The following HIVEP2 variants were observed in gnomAD, a reference collection of about 807,000 sequenced individuals.
HIVEP2 encodes the protein transcription factor HIVEP2.
A neutral mutation model predicts 180.7 loss-of-function variants in HIVEP2; 14 were observed. The ratio of observed to expected loss-of-function variants is 0.08; its 90% CI spans 0.05 to 0.12. HIVEP2 has a LOEUF of 0.12. Among genes scored for constraint, HIVEP2 ranks in the 10% least tolerant of loss-of-function variants. The probability of loss-of-function intolerance (pLI) is 1.00; values close to 1 mark genes in which losing one functional copy is unlikely to be tolerated. For missense variants in HIVEP2, 2,579 were observed against 3,008.5 expected (o/e 0.86, Z 3.34); for synonymous variants, 1,184 against 1,136.4 (o/e 1.04, Z -0.84).
At chr6:142,909,099 G>A (rs776048686) in intron 1 of HIVEP2, among the ~76,000 whole-genome samples, 1 of 152,124 alleles carries the variant, frequency 6.6e-6, no homozygotes, top group Non-Finnish European at 1.5e-5. Context: ...ACTATATGGA[G>A]CCTGTGTGTC....
In HIVEP2 at chr6:142,751,844, T is replaced by C. The variant is rs1248976477; in HGVS notation, c.*1263A>G. 1.3e-5 allele frequency: 2 copies of C among 152,720 alleles called. No homozygotes were observed. Among genetic ancestry groups the C allele is most frequent in the Non-Finnish European group, 2.9e-5 (2 of 68,096 alleles). The allele number at this position is 152,720 out of a possible 1,614,324, so 9.5% of individuals were successfully genotyped here. A position where few individuals can be genotyped will look rare whatever the true frequency, so the allele number is the denominator to read the frequency against. ...GTAAGGTGACCTCCCCTAACACAGA[T>C]GTTAACCCTGTTCCCATGTAAACCG... On this transcript the variant is annotated 3_prime_UTR_variant, in exon 10 of 10. Transcript: ENST00000367603.
intron 1 of HIVEP2, among the ~76,000 whole-genome samples, chr6:142,860,925 T>C (rs1267941225): frequency 6.6e-6 from 1 of 152,244 alleles, no homozygotes; most frequent in African/African-American, 2.4e-5. Context: ...AGGAAGCTTC[T>C]TTAATTCCCA....
At chr6:142,870,791 G>A (rs1327307815) in intron 1 of HIVEP2, among the ~76,000 whole-genome samples, 1 of 152,112 alleles carries the variant, frequency 6.6e-6, no homozygotes, top group Non-Finnish European at 1.5e-5. Flanking sequence ...GAGGGAACCA[G>A]GACAGGAGGC....
Position 142,769,785 on chromosome 6 carries a change from A to G in HIVEP2, c.4954T>C (p.Leu1652=), listed in dbSNP as rs927894125. ...ACATAATTGGGTTTTGTATAATTCA[A>G]GAAGCACCAACTCACAGTAGTTGTT... ...RTTTTVSWCF[L]NYTKPNYVQQ... Residue 1652 remains leucine (L), a synonymous_variant, in exon 5 of 10, where the codon TTG becomes CTG. Transcript: ENST00000367603. 17 of 1,614,118 alleles carry G rather than the reference A, an allele frequency of 1.1e-5. No homozygotes were observed. Among genetic ancestry groups the G allele is most frequent in the Non-Finnish European group, 1.4e-5 (17 of 1,180,046 alleles).
chr6:142,843,802 G>A (rs1419120810), intron 1 of HIVEP2, among the ~76,000 whole-genome samples: 4 of 152,154 alleles, frequency 2.6e-5, no homozygotes, highest in Non-Finnish European at 5.9e-5. Flanking sequence ...ATAGTGTTAT[G>A]AATGACATTT....
chr6:142,763,832 T>C (rs146336273), intron 7 of HIVEP2, among the ~76,000 whole-genome samples: 1 of 152,232 alleles, frequency 6.6e-6, no homozygotes, highest in Non-Finnish European at 1.5e-5. Flanking sequence ...TTCTATTACA[T>C]AGATCTTTTT....
At chr6:142,760,798 C>T in intron 8 of HIVEP2, 131 bp from the exon 9 acceptor site, 2 of 658,120 alleles carry the variant, frequency 3.0e-6, no homozygotes, top group Admixed American at 6.1e-5. Context: ...TCTGAGAACT[C>T]CTATAAAATG....
chr6:142,825,894 C>T (rs1774883163), intron 2 of HIVEP2, among the ~76,000 whole-genome samples: 1 of 151,514 alleles, frequency 6.6e-6, no homozygotes, highest in Admixed American at 6.6e-5. Flanking sequence ...TTTCAACATG[C>T]TTCAAACATA....
In HIVEP2 at chr6:142,774,310, T is replaced by C; in HGVS notation, c.429A>G (p.Ile143Met). The C allele has an allele frequency of 6.2e-7, 1 of 1,614,118 alleles. No individual in the cohort carries two copies. The highest frequency in any genetic ancestry group is 1.1e-5 in the South Asian group (1 of 91,088). The stretch of plus-strand genomic sequence containing the variant: ...TAGGATAACCACCACTGTGGCCATG[T>C]ATAGGAAAAGGAAATAAGTCCTCAG... ...VASEDLFPFP[I>M]HGHSGGYPRK... The change falls in exon 5 of 10, where the codon ATA becomes ATG. Residue 143 changes from isoleucine (I) to methionine (M), a missense_variant. By Grantham distance (10) the Ile-to-Met change is conservative. This residue lies in a region of HIVEP2 where 207 missense variants were observed against 210.1 expected (regional missense o/e 0.99). Coordinates refer to ENST00000367603, the MANE Select transcript of HIVEP2 (RefSeq NM_006734.4). This position sits in a 1 kb window ranked among gnomAD's most constrained non-coding sequence, Gnocchi z 5.1.
intron 1 of HIVEP2, among the ~76,000 whole-genome samples, chr6:142,896,237 CT>C (rs11347781): frequency 0.11 from 16,075 of 152,148 alleles, 1,017 homozygotes; most frequent in South Asian, 0.13. Flanking sequence ...GTTCTTCAAC[CT>C]TATGGAGACA....
chr6:142,862,457 ATAT>A (rs1776005572), intron 1 of HIVEP2, among the ~76,000 whole-genome samples: 1 of 109,208 alleles, frequency 9.2e-6, no homozygotes, highest in African/African-American at 3.1e-5. Flanking sequence ...ATAATCGATT[ATAT>A]GTATCATATA....
intron 1 of HIVEP2, among the ~76,000 whole-genome samples, chr6:142,882,506 T>C (rs1776597778): frequency 6.6e-6 from 1 of 151,416 alleles, no homozygotes; most frequent in African/African-American, 2.4e-5. Flanking sequence ...CCTAGCTACT[T>C]AGGAGGCTGA....
At chr6:142,790,573 T>TAC (rs1434415251) in intron 2 of HIVEP2, among the ~76,000 whole-genome samples, 1 of 152,234 alleles carries the variant, frequency 6.6e-6, no homozygotes, top group Non-Finnish European at 1.5e-5. Context: ...TTTTATCTTT[T>TAC]ACAATGCTTA....
chr6:142,845,530 C>T (rs1031994788), intron 1 of HIVEP2, among the ~76,000 whole-genome samples: 3 of 152,108 alleles, frequency 2.0e-5, no homozygotes, highest in African/African-American at 7.2e-5. Context: ...GTTTCTGTGT[C>T]ACCTGCTTTT....
chr6:142,803,144 G>A (rs1776454445), intron 2 of HIVEP2, among the ~76,000 whole-genome samples: 1 of 152,130 alleles, frequency 6.6e-6, no homozygotes, highest in Non-Finnish European at 1.5e-5. Context: ...CTTACTAAAA[G>A]AAATCTATGA....
At chr6:142,790,052 T>G (rs1390323393) in intron 2 of HIVEP2, among the ~76,000 whole-genome samples, 1 of 152,202 alleles carries the variant, frequency 6.6e-6, no homozygotes, top group Non-Finnish European at 1.5e-5. Context: ...ATAAGCTATT[T>G]TCTAAGATTT....
intron 1 of HIVEP2, among the ~76,000 whole-genome samples, chr6:142,926,870 G>A (rs1219093807): frequency 6.6e-6 from 1 of 152,026 alleles, no homozygotes; most frequent in Non-Finnish European, 1.5e-5. Flanking sequence ...CTTTCTCCCG[G>A]CAGGAAGGGG....
chr6:142,784,910 C>T (rs766100447), intron 2 of HIVEP2, among the ~76,000 whole-genome samples: 2 of 151,884 alleles, frequency 1.3e-5, no homozygotes, highest in South Asian at 2.1e-4. Context: ...TTTTTTGAGA[C>T]GGAGTCTTGC....
At chr6:142,806,691 T>C (rs1776562828) in intron 2 of HIVEP2, among the ~76,000 whole-genome samples, 1 of 152,200 alleles carries the variant, frequency 6.6e-6, no homozygotes, top group Admixed American at 6.5e-5. Flanking sequence ...ATAATTCTTA[T>C]TTATCTATTT....
Sources: allele counts gnomAD v4.1 joint callset (sites outside exome capture counted in the v4.1 genomes callset), GRCh38; gene constraint gnomAD v4.1.1; regional missense constraint gnomAD v4.1.1; non-coding constraint Gnocchi (gnomAD v3.1); transcripts MANE v1.5; gene names NCBI Gene and HGNC (gene_info 2026-07-23, HGNC 2026-07-21).